Variants in ANGPT1 observed in about 807,000 individuals in gnomAD.
ANGPT1 encodes the protein angiopoietin-1.
A neutral mutation model predicts 62.2 loss-of-function variants in ANGPT1; 17 were observed. The ratio of observed to expected loss-of-function variants is 0.27; its 90% CI spans 0.19 to 0.41. ANGPT1 has a LOEUF of 0.41. Among genes scored for constraint, ANGPT1 ranks in the 10% least tolerant of loss-of-function variants. The probability of loss-of-function intolerance (pLI) is 1.00; values close to 1 mark genes in which losing one functional copy is unlikely to be tolerated. For synonymous variants in ANGPT1, 199 were observed against 198.9 expected, an observed-to-expected ratio of 1.00 and a Z score of 0.00; for missense variants, 478 against 594.9, an observed-to-expected ratio of 0.80 and a Z score of 2.04.
chr8:107,282,573 T>TATAC (rs1412907082), intron 7 of ANGPT1, among the ~76,000 whole-genome samples: 1 of 124,544 alleles, frequency 8.0e-6, no homozygotes, highest in Non-Finnish European at 1.6e-5. Context: ...TATATATATA[T>TATAC]ATATATATAT....
intron 3 of ANGPT1, among the ~76,000 whole-genome samples, chr8:107,323,776 T>C (rs183154771): frequency 5.9e-5 from 9 of 152,026 alleles, no homozygotes; most frequent in Admixed American, 3.9e-4. Context: ...TTGTTGTTGT[T>C]TGTTTGTTTT....
At chr8:107,313,616 T>G (rs1441510732) in intron 4 of ANGPT1, among the ~76,000 whole-genome samples, 2 of 151,186 alleles carry the variant, frequency 1.3e-5, no homozygotes, top group East Asian at 1.9e-4. Flanking sequence ...ATTTTTTTTT[T>G]GTATTTTTAG....
chr8:107,432,536 T>C (rs889435296), intron 1 of ANGPT1, among the ~76,000 whole-genome samples: 1 of 151,620 alleles, frequency 6.6e-6, no homozygotes, highest in African/African-American at 2.4e-5. Context: ...TGGTGGCGGG[T>C]GACTGTAGTC....
intron 4 of ANGPT1, among the ~76,000 whole-genome samples, chr8:107,319,591 G>A (rs145955261): frequency 0.032 from 4,837 of 150,934 alleles, 101 homozygotes; most frequent in Middle Eastern, 0.052. Flanking sequence ...ATAAATTTTG[G>A]TCATAAAACA....
chr8:107,324,914 T>C (rs913627095), intron 3 of ANGPT1, among the ~76,000 whole-genome samples: 4 of 152,132 alleles, frequency 2.6e-5, no homozygotes, highest in African/African-American at 9.7e-5. Context: ...GCACCGATCA[T>C]AAAGTAAACC....
At chr8:107,281,092 T>C (rs553370019) in intron 7 of ANGPT1, among the ~76,000 whole-genome samples, 2 of 152,226 alleles carry the variant, frequency 1.3e-5, no homozygotes, top group Non-Finnish European at 2.9e-5. Context: ...AGAAAATTAT[T>C]TGGAGTTTCC....
chr8:107,367,401 C>G (rs975760114), intron 1 of ANGPT1, among the ~76,000 whole-genome samples: 5 of 152,136 alleles, frequency 3.3e-5, no homozygotes, highest in African/African-American at 1.2e-4. Context: ...AGGGTTTTGT[C>G]TTGATGTTGA....
intron 1 of ANGPT1, among the ~76,000 whole-genome samples, chr8:107,481,294 G>A (rs1812675510): frequency 6.6e-6 from 1 of 152,186 alleles, no homozygotes; most frequent in East Asian, 1.9e-4. Context: ...CAGCACTTTG[G>A]GAGGCTGAGG....
chr8:107,275,581 T>C (rs1458427180), intron 7 of ANGPT1, among the ~76,000 whole-genome samples: 2 of 152,200 alleles, frequency 1.3e-5, no homozygotes, highest in Non-Finnish European at 2.9e-5. Flanking sequence ...CCTGTTTGGC[T>C]GTCTGCAACC....
intron 2 of ANGPT1, among the ~76,000 whole-genome samples, chr8:107,340,166 A>G (rs1266888294): frequency 6.6e-6 from 1 of 152,226 alleles, no homozygotes; most frequent in Non-Finnish European, 1.5e-5. Context: ...TAAAATGACA[A>G]AAGACATTTC....
chr8:107,313,497 C>T (rs1199157006), intron 4 of ANGPT1, among the ~76,000 whole-genome samples: 2 of 123,558 alleles, frequency 1.6e-5, no homozygotes, highest in Admixed American at 1.1e-4. Context: ...TGGAGTGCAG[C>T]GGCGCAATCT....
intron 8 of ANGPT1, among the ~76,000 whole-genome samples, chr8:107,256,866 GTT>G (rs754683151): frequency 0.017 from 2,569 of 150,712 alleles, 34 homozygotes; most frequent in African/African-American, 0.024. Context: ...GTTTTGTTTT[GTT>G]TTTTTTGAGA....
At chr8:107,257,876 GTTTC>G (rs145672212) in intron 8 of ANGPT1, among the ~76,000 whole-genome samples, 27 of 85,266 alleles carry the variant, frequency 3.2e-4, no homozygotes, top group African/African-American at 1.1e-3. Context: ...ACTTGTTTTT[GTTTC>G]TTTTTTGTTT....
intron 8 of ANGPT1, among the ~76,000 whole-genome samples, chr8:107,257,876 G>GTTTTTTGTTTTTTTTTT (rs1371396961): frequency 1.2e-5 from 1 of 85,258 alleles, no homozygotes; most frequent in African/African-American, 4.7e-5. Flanking sequence ...ACTTGTTTTT[G>GTTTTTTGTTTTTTTTTT]TTTCTTTTTT....
chr8:107,281,757 G>A (rs150543771), intron 7 of ANGPT1, among the ~76,000 whole-genome samples: 2,005 of 152,208 alleles, frequency 0.013, 50 homozygotes, highest in African/African-American at 0.045. Flanking sequence ...CAGCCTGGGC[G>A]ATAAGAGTGA....
At chr8:107,254,839 A>G (rs936420460) in intron 8 of ANGPT1, among the ~76,000 whole-genome samples, 1 of 152,168 alleles carries the variant, frequency 6.6e-6, no homozygotes, top group African/African-American at 2.4e-5. Context: ...TGATCAGGCA[A>G]ACAAGTAAAA....
chr8:107,330,549 G>A (rs1815396965), intron 3 of ANGPT1, among the ~76,000 whole-genome samples: 1 of 152,140 alleles, frequency 6.6e-6, no homozygotes, highest in African/African-American at 2.4e-5. Flanking sequence ...GGTTGAGAGG[G>A]AATTAATAGA....
Position 107,322,196 on chromosome 8 carries a change from T to C in ANGPT1, c.576-68A>G, listed in dbSNP as rs570688450. 1.2e-5 allele frequency: 13 copies of C among 1,124,178 alleles called. No individual in the cohort carries two copies. In the Admixed American group the frequency reaches 3.0e-4, roughly 26 times the overall value. The allele number at this position is 1,124,178 out of a possible 1,614,324, so 69.6% of individuals were successfully genotyped here. A position where few individuals can be genotyped will look rare whatever the true frequency, so the allele number is the denominator to read the frequency against. The stretch of plus-strand genomic sequence containing the variant: ...ATACAAAAAAACCCTTATAATTCAA[T>C]TGGTTCCTGAATTTATTTAAGATGA... On this transcript the variant is annotated intron_variant, in intron 3 of 8. Transcript: ENST00000517746.
At chr8:107,429,817 T>C (rs955302977) in intron 1 of ANGPT1, among the ~76,000 whole-genome samples, 1 of 144,760 alleles carries the variant, frequency 6.9e-6, no homozygotes, top group Admixed American at 7.0e-5. Flanking sequence ...ATTTTTGAAA[T>C]GCAGGCTTCC....
Sources: gnomAD v4.1 joint callset for allele counts (sites outside exome capture counted in the v4.1 genomes callset) on GRCh38, gnomAD v4.1.1 for gene constraint, MANE v1.5 for transcripts, NCBI Gene and HGNC (gene_info 2026-07-23, HGNC 2026-07-21) for gene names.